Variants in RALGAPB observed in about 807,000 individuals in gnomAD.
RALGAPB encodes the protein ral GTPase-activating protein subunit beta.
RALGAPB carries 25 observed loss-of-function variants against 161.1 expected under a neutral mutation model. The observed-to-expected ratio is 0.16, with a 90% CI of 0.11 to 0.22. RALGAPB has a LOEUF of 0.22. RALGAPB is among the 10% of genes least tolerant of loss of function. RALGAPB has a pLI of 1.00. For missense variants in RALGAPB, 1,391 were observed against 1,815.2 expected, an observed-to-expected ratio of 0.77 and a Z score of 4.25; for synonymous variants, 629 against 626.1, an observed-to-expected ratio of 1.00 and a Z score of -0.07.
chr20:38,513,687 T>G (rs1279951048), intron 6 of RALGAPB, among the ~76,000 whole-genome samples: 1 of 151,618 alleles, frequency 6.6e-6, no homozygotes, highest in Non-Finnish European at 1.5e-5. Flanking sequence ...AAATAAACTA[T>G]AGTACCGAAT....
chr20:38,509,927 C>T (rs1234922694), intron 6 of RALGAPB, among the ~76,000 whole-genome samples: 1 of 151,798 alleles, frequency 6.6e-6, no homozygotes, highest in Non-Finnish European at 1.5e-5. Flanking sequence ...CATTTCTTCC[C>T]ATTTTGTAGT....
At chr20:38,573,971 G>A (rs895080247) in intron 28 of RALGAPB, 179 bp from the exon 29 acceptor site, 97 of 490,474 alleles carry the variant, frequency 2.0e-4, no homozygotes, top group African/African-American at 1.7e-3. Context: ...ATAGGGGGTA[G>A]CAGCATAGAT....
rs1052057849 is a variant in RALGAPB, at chr20:38,576,458, A to G, written c.*1491A>G. ...TTATTCCAGAAATGTGCATTTTGTC[A>G]TCTATAAGCAAGAAATATGGGCATA... On this transcript the variant is annotated 3_prime_UTR_variant, in exon 30 of 30. Coordinates refer to ENST00000262879, the MANE Select transcript of RALGAPB (RefSeq NM_020336.4). 1 of 152,370 alleles carries G rather than the reference A, an allele frequency of 6.6e-6. No individual in the cohort carries two copies. Among genetic ancestry groups the G allele is most frequent in the Non-Finnish European group, 1.5e-5 (1 of 68,028 alleles). The allele number at this position is 152,370 out of a possible 1,614,324, so 9.4% of individuals were successfully genotyped here.
intron 5 of RALGAPB, among the ~76,000 whole-genome samples, chr20:38,503,225 T>G (rs564001526): frequency 1.3e-5 from 2 of 152,354 alleles, no homozygotes; most frequent in African/African-American, 4.8e-5. Context: ...TTGGTAAGGC[T>G]TCTGATTAGA....
At chr20:38,542,497 A>G (rs1241303005) in intron 18 of RALGAPB, among the ~76,000 whole-genome samples, 1 of 152,212 alleles carries the variant, frequency 6.6e-6, no homozygotes. Flanking sequence ...AAATTAAAAA[A>G]AAATGTGAAT....
intron 18 of RALGAPB, among the ~76,000 whole-genome samples, chr20:38,545,316 T>A (rs1479753848): frequency 6.6e-6 from 1 of 152,234 alleles, no homozygotes; most frequent in Non-Finnish European, 1.5e-5. Flanking sequence ...TGGTACCTAT[T>A]GTTAGGATAT....
chr20:38,512,607 G>A (rs1321191129), intron 6 of RALGAPB, among the ~76,000 whole-genome samples: 1 of 152,198 alleles, frequency 6.6e-6, no homozygotes, highest in Non-Finnish European at 1.5e-5. Flanking sequence ...GAACACTGTT[G>A]AATTAAAGTG....
intron 20 of RALGAPB, 119 bp downstream of exon 20, chr20:38,548,914 C>CAGTG: frequency 1.3e-6 from 1 of 791,378 alleles, no homozygotes; most frequent in Non-Finnish European, 2.1e-6. Context: ...GATTCTCAGT[C>CAGTG]AGTGGGTTCA....
chr20:38,550,419 G>C (rs1350257167), intron 20 of RALGAPB, among the ~76,000 whole-genome samples: 1 of 152,216 alleles, frequency 6.6e-6, no homozygotes, highest in Non-Finnish European at 1.5e-5. Context: ...TCTGTTAGAT[G>C]TGATGTGTTT....
chr20:38,505,145 G>A (rs981077284), intron 5 of RALGAPB, among the ~76,000 whole-genome samples: 2 of 152,186 alleles, frequency 1.3e-5, no homozygotes, highest in Non-Finnish European at 1.5e-5. Context: ...ATTGCAGCAC[G>A]ATTCACAATA....
At position 38,562,656 on chromosome 20, in the gene RALGAPB, G is replaced by C; in HGVS notation, c.3656G>C (p.Trp1219Ser). The part of the protein sequence containing the change: ...PGWTGHVSTS[W>S]SINCCDDGEG... ...TGGACTGGGCATGTTTCTACCAGTT[G>C]GTCTATTAATTGTTGTGATGATGGT... Residue 1219 changes from tryptophan (W) to serine (S), a missense_variant, in exon 24 of 30, where the codon TGG becomes TCG. Trp to Ser is a radical substitution (Grantham distance 177). Coordinates refer to ENST00000262879, the MANE Select transcript of RALGAPB (RefSeq NM_020336.4). 6.2e-7 allele frequency: 1 copy of C among 1,613,520 alleles called. No individual in the cohort carries two copies. Among genetic ancestry groups the C allele is most frequent in the Non-Finnish European group, 8.5e-7 (1 of 1,179,782 alleles).
At chr20:38,567,389 C>CT (rs1162189036) in intron 26 of RALGAPB, among the ~76,000 whole-genome samples, 157 bp downstream of exon 26, 1 of 152,138 alleles carries the variant, frequency 6.6e-6, no homozygotes, top group African/African-American at 2.4e-5. Flanking sequence ...ACGATTTTCT[C>CT]TTTTTCAGCC....
intron 3 of RALGAPB, among the ~76,000 whole-genome samples, chr20:38,494,715 GTAATAGTTT>G (rs1201559194): frequency 6.6e-6 from 1 of 152,208 alleles, no homozygotes; most frequent in Admixed American, 6.5e-5. Flanking sequence ...CTAAAATGGT[GTAATAGTTT>G]TAATACTTTC....
At chr20:38,548,908 C>A in intron 20 of RALGAPB, 113 bp downstream of exon 20, 1 of 851,532 alleles carries the variant, frequency 1.2e-6, no homozygotes. Context: ...TAGCCAGATT[C>A]TCAGTCAGTG....
intron 13 of RALGAPB, among the ~76,000 whole-genome samples, chr20:38,529,578 A>G (rs1298565368): frequency 6.6e-6 from 1 of 152,032 alleles, no homozygotes; most frequent in Non-Finnish European, 1.5e-5. Flanking sequence ...CATGCCTGTA[A>G]TCCCAGAACT....
chr20:38,478,535 C>CTCTGCCTCCTGAGTAGCTGGGA, intron 1 of RALGAPB, among the ~76,000 whole-genome samples: 1 of 152,296 alleles, frequency 6.6e-6, no homozygotes, highest in South Asian at 2.1e-4. Flanking sequence ...ATTCTCCTGC[C>CTCTGCCTCCTGAGTAGCTGGGA]TCTGCCTCCT....
chr20:38,509,262 A>C, intron 6 of RALGAPB, 54 bp downstream of exon 6: 1 of 1,557,520 alleles, frequency 6.4e-7, no homozygotes, highest in Non-Finnish European at 8.8e-7. Flanking sequence ...ATCTTAGGGC[A>C]GGAATCATGC....
chr20:38,523,338 G>C (rs1454924529), intron 10 of RALGAPB, among the ~76,000 whole-genome samples: 2 of 152,252 alleles, frequency 1.3e-5, no homozygotes, highest in African/African-American at 4.8e-5. Context: ...TCACCCACTT[G>C]TTGTGGGGGC....
At chr20:38,502,867 A>C (rs558544401) in intron 5 of RALGAPB, among the ~76,000 whole-genome samples, 1 of 152,076 alleles carries the variant, frequency 6.6e-6, no homozygotes, top group Non-Finnish European at 1.5e-5. Context: ...CTGCCTTCCA[A>C]AGTGCTGGGA....
Sources: gnomAD v4.1 joint callset for allele counts (sites outside exome capture counted in the v4.1 genomes callset) on GRCh38, gnomAD v4.1.1 for gene constraint, MANE v1.5 for transcripts, NCBI Gene and HGNC (gene_info 2026-07-23, HGNC 2026-07-21) for gene names.